The following SBF2 variants were observed in gnomAD, a reference collection of about 807,000 sequenced individuals.
The protein encoded by SBF2 is myotubularin-related protein 13.
In SBF2, 112 loss-of-function variants were observed where a neutral mutation model predicts 225.2. The observed-to-expected ratio is 0.50, with a 90% CI of 0.43 to 0.58. The LOEUF is 0.58. Among genes scored for constraint, SBF2 ranks in the 20% least tolerant of loss-of-function variants. SBF2 has a pLI of 0.00. For missense variants in SBF2, 1,996 were observed against 2,206.2 expected (o/e 0.90, Z 1.91); for synonymous variants, 763 against 773.3 (o/e 0.99, Z 0.22).
intron 1 of SBF2, among the ~76,000 whole-genome samples, chr11:10,206,071 G>T: frequency 6.6e-6 from 1 of 151,416 alleles, no homozygotes; most frequent in Non-Finnish European, 1.5e-5. Flanking sequence ...GTGACATCAG[G>T]GCAGTGAAAT....
intron 2 of SBF2, among the ~76,000 whole-genome samples, chr11:10,081,861 A>T (rs1951379958): frequency 6.6e-6 from 1 of 152,066 alleles, no homozygotes; most frequent in African/African-American, 2.4e-5. Context: ...AAGCTAGAAG[A>T]ACAAAAGAAA....
At chr11:10,182,774 T>C (rs1176686014) in intron 2 of SBF2, among the ~76,000 whole-genome samples, 1 of 151,934 alleles carries the variant, frequency 6.6e-6, no homozygotes, top group Non-Finnish European at 1.5e-5. Context: ...TTGTTTGTTG[T>C]TTTTTAATTT....
intron 2 of SBF2, among the ~76,000 whole-genome samples, chr11:10,172,146 C>T (rs941983023): frequency 6.6e-6 from 1 of 151,960 alleles, no homozygotes. Flanking sequence ...CTGCTCCGAT[C>T]TTTATTAGTT....
At chr11:9,920,377 A>G (rs537578629) in intron 16 of SBF2, among the ~76,000 whole-genome samples, 1 of 152,282 alleles carries the variant, frequency 6.6e-6, no homozygotes, top group East Asian at 1.9e-4. Flanking sequence ...AGTTCCTGAT[A>G]CAGAGAAGCT....
chr11:10,157,025 G>T (rs138034663), intron 2 of SBF2, among the ~76,000 whole-genome samples: 122 of 152,098 alleles, frequency 8.0e-4, no homozygotes, highest in Non-Finnish European at 1.4e-3. Context: ...CTACACTACG[G>T]GGCTACAGTA....
intron 16 of SBF2, among the ~76,000 whole-genome samples, chr11:9,902,738 T>C (rs1184367572): frequency 6.6e-6 from 1 of 152,114 alleles, no homozygotes; most frequent in Non-Finnish European, 1.5e-5. Flanking sequence ...TATAAAACAA[T>C]GACAATACTG....
At chr11:9,994,049 T>A (rs952346520) in intron 9 of SBF2, 51 bp from the exon 10 acceptor site, 1 of 1,109,374 alleles carries the variant, frequency 9.0e-7, no homozygotes, top group Admixed American at 1.8e-5. Context: ...CAATGAAATC[T>A]ATTATTGAGA....
At chr11:9,906,768 C>T (rs1217953464) in intron 16 of SBF2, among the ~76,000 whole-genome samples, 4 of 152,196 alleles carry the variant, frequency 2.6e-5, no homozygotes, top group African/African-American at 9.7e-5. Context: ...ACATACCAGA[C>T]ATTTTATAAA....
At chr11:9,897,987 C>G (rs946949859) in intron 16 of SBF2, among the ~76,000 whole-genome samples, 1 of 152,110 alleles carries the variant, frequency 6.6e-6, no homozygotes, top group African/African-American at 2.4e-5. Context: ...TGAGAACTAA[C>G]CTGACCAGGA....
At chr11:9,854,846 C>A (rs1465413669) in intron 19 of SBF2, among the ~76,000 whole-genome samples, 1 of 152,170 alleles carries the variant, frequency 6.6e-6, no homozygotes, top group Non-Finnish European at 1.5e-5. Flanking sequence ...CCACTTCGGT[C>A]TCCCAAAGTG....
rs1180993591 is a variant in SBF2, at chr11:10,303,324, TC to T, written n.386+1167del. The T allele has an allele frequency of 6.6e-6, 1 of 152,210 alleles. No individual in the cohort carries two copies. The highest frequency in any genetic ancestry group is 2.4e-5 in the African/African-American group (1 of 41,412). The allele number at this position is 152,210 out of a possible 1,614,324, so 9.4% of individuals were successfully genotyped here. A position where few individuals can be genotyped will look rare whatever the true frequency, so the allele number is the denominator to read the frequency against. Reference sequence around the variant, plus strand: ...GGCCAGGGTCAGGGCCCGGAATCTGTCCTCCGTCCTCAGATGGAATTCAGGT... The same window carrying T: ...GGCCAGGGTCAGGGCCCGGAATCTGTCTCCGTCCTCAGATGGAATTCAGGT... On this transcript the variant is annotated intron_variant and non_coding_transcript_variant, in intron 1 of 5. Transcript: ENST00000685217. The surrounding 1 kb of genome is among the most constrained non-coding windows in gnomAD (Gnocchi z 5.2).
chr11:9,917,954 C>T (rs1863247704), intron 16 of SBF2, among the ~76,000 whole-genome samples: 1 of 151,644 alleles, frequency 6.6e-6, no homozygotes, highest in South Asian at 2.1e-4. Flanking sequence ...AGCATTTATT[C>T]AGTCGCCTAG....
chr11:10,035,466 A>G (rs1358688696), intron 3 of SBF2, among the ~76,000 whole-genome samples: 6 of 152,330 alleles, frequency 3.9e-5, no homozygotes, highest in African/African-American at 1.2e-4. Flanking sequence ...CTATCAGCAG[A>G]GTGAACAGGC....
chr11:10,175,464 A>C (rs199961969), intron 2 of SBF2, among the ~76,000 whole-genome samples: 1 of 150,572 alleles, frequency 6.6e-6, no homozygotes, highest in Non-Finnish European at 1.5e-5. Context: ...AGAGCTAACT[A>C]TCCTAAATAT....
chr11:10,140,338 T>C (rs1481619978), intron 2 of SBF2, among the ~76,000 whole-genome samples: 1 of 152,222 alleles, frequency 6.6e-6, no homozygotes. Flanking sequence ...TCCTGATGTC[T>C]TACAAAGAGG....
At chr11:10,122,439 C>A (rs1279192728) in intron 2 of SBF2, among the ~76,000 whole-genome samples, 2 of 152,114 alleles carry the variant, frequency 1.3e-5, no homozygotes, top group Non-Finnish European at 2.9e-5. Flanking sequence ...GAGTGCACAG[C>A]TAGAACTCAG....
intron 17 of SBF2, among the ~76,000 whole-genome samples, chr11:9,885,581 T>C (rs1392968702): frequency 2.6e-5 from 4 of 152,124 alleles, no homozygotes; most frequent in African/African-American, 9.7e-5. Flanking sequence ...CAGTAGACAT[T>C]AAAGCTTGCT....
intron 17 of SBF2, among the ~76,000 whole-genome samples, chr11:9,880,146 T>C (rs980498003): frequency 6.8e-6 from 1 of 147,766 alleles, no homozygotes; most frequent in Non-Finnish European, 1.5e-5. Flanking sequence ...AATCCAGATC[T>C]TTCTGTGGCC....
At chr11:10,131,107 C>T (rs1214228834) in intron 2 of SBF2, among the ~76,000 whole-genome samples, 1 of 152,068 alleles carries the variant, frequency 6.6e-6, no homozygotes, top group Non-Finnish European at 1.5e-5. Context: ...ATTGCTAAAC[C>T]GTTTTCCAGA....
Sources: gnomAD v4.1 joint callset for allele counts (sites outside exome capture counted in the v4.1 genomes callset) on GRCh38, gnomAD v4.1.1 for gene constraint, Gnocchi (gnomAD v3.1) non-coding constraint, MANE v1.5 for transcripts, NCBI Gene and HGNC (gene_info 2026-07-23, HGNC 2026-07-21) for gene names.